Variants in ITFG1 observed in about 807,000 individuals in gnomAD.
ITFG1 encodes the protein T-cell immunomodulatory protein.
ITFG1 carries 34 observed loss-of-function variants against 81.8 expected under a neutral mutation model. The observed-to-expected ratio is 0.42, with a 90% CI of 0.32 to 0.55. The LOEUF is 0.55. ITFG1 is among the 20% of genes least tolerant of loss of function. The pLI, the probability that ITFG1 is intolerant of heterozygous loss-of-function variation, is 0.17. For missense variants in ITFG1, 672 were observed against 755.4 expected (o/e 0.89, Z 1.29); for synonymous variants, 285 against 270.6 (o/e 1.05, Z -0.52).
intron 8 of ITFG1, among the ~76,000 whole-genome samples, chr16:47,330,915 G>A (rs1967628459): frequency 6.6e-6 from 1 of 152,148 alleles, no homozygotes. Context: ...GTAGCTTGGA[G>A]ATTTCTCAAA....
chr16:47,321,268 A>G (rs1967444408), intron 8 of ITFG1, among the ~76,000 whole-genome samples: 1 of 152,202 alleles, frequency 6.6e-6, no homozygotes, highest in Non-Finnish European at 1.5e-5. Context: ...AGAATCTCTG[A>G]AACTGCACTT....
At chr16:47,359,340 G>A (rs1416102904) in intron 8 of ITFG1, among the ~76,000 whole-genome samples, 6 of 152,056 alleles carry the variant, frequency 3.9e-5, no homozygotes, top group Admixed American at 3.9e-4. Flanking sequence ...GTCCCAAACA[G>A]AACTATCAAT....
At chr16:47,165,903 T>C (rs1006979875) in intron 14 of ITFG1, among the ~76,000 whole-genome samples, 3 of 152,184 alleles carry the variant, frequency 2.0e-5, no homozygotes, top group Admixed American at 1.3e-4. Context: ...ATGACACTAC[T>C]AGCAAAGACT....
At chr16:47,235,053 C>G (rs774812914) in intron 13 of ITFG1, among the ~76,000 whole-genome samples, 1 of 152,182 alleles carries the variant, frequency 6.6e-6, no homozygotes, top group African/African-American at 2.4e-5. Flanking sequence ...AACCTCTTTT[C>G]TTTATAAATT....
intron 10 of ITFG1, among the ~76,000 whole-genome samples, chr16:47,280,210 T>G (rs953469450): frequency 6.6e-6 from 1 of 152,176 alleles, no homozygotes. Context: ...GAGAAAAGCA[T>G]TACTTTTACT....
intron 12 of ITFG1, among the ~76,000 whole-genome samples, chr16:47,251,174 CAGAG>C (rs1321918692): frequency 6.6e-6 from 1 of 152,314 alleles, no homozygotes; most frequent in Admixed American, 6.5e-5. Context: ...TGTTCAGACT[CAGAG>C]AGCCTGTCGA....
intron 7 of ITFG1, among the ~76,000 whole-genome samples, chr16:47,373,031 C>T (rs1162668398): frequency 1.3e-5 from 2 of 152,160 alleles, no homozygotes; most frequent in African/African-American, 4.8e-5. Flanking sequence ...AAAACAATAG[C>T]TTCTCAGTAG....
intron 14 of ITFG1, among the ~76,000 whole-genome samples, chr16:47,193,378 C>A (rs1965316600): frequency 6.6e-6 from 1 of 151,914 alleles, no homozygotes; most frequent in Admixed American, 6.6e-5. Flanking sequence ...TTCGTTTCTT[C>A]TGTTTCAACA....
Position 47,424,276 on chromosome 16 carries a change from C to T in ITFG1, c.655+4528G>A, listed in dbSNP as rs963577162. Among the ~76,000 whole-genome samples, 5 of 152,190 alleles carry T rather than the reference C, an allele frequency of 3.3e-5. No individual in the cohort carries two copies. In the East Asian group the frequency reaches 7.7e-4, roughly 23 times the overall value. On this transcript the variant is annotated intron_variant, in intron 6 of 17. Transcript: ENST00000320640. ...GTTCTCATGCCATGGTTTTGCAGCT[C>T]CATCAAGTCATTTAAGGTCTTTTTT... is the stretch of plus-strand genomic sequence containing the variant.
At chr16:47,456,546 G>C (rs1360408000) in intron 2 of ITFG1, among the ~76,000 whole-genome samples, 1 of 152,010 alleles carries the variant, frequency 6.6e-6, no homozygotes, top group African/African-American at 2.4e-5. Context: ...TACAAAATTC[G>C]CTGGGCGTGG....
chr16:47,340,915 G>A lies in ITFG1; in HGVS notation c.802+24873C>T, dbSNP rs149306177. ...TAAGAACATTGTATAATGACTAAAA[G>A]GACAATTCACCAAGAAGATATAACA... On this transcript the variant is annotated intron_variant, in intron 8 of 17. Transcript: ENST00000320640. Among the ~76,000 whole-genome samples the A allele has an allele frequency of 8.4e-4, 127 of 152,002 alleles. 1 individual carries two copies. The highest frequency in any genetic ancestry group is 2.9e-3 in the African/African-American group (121 of 41,466).
At chr16:47,368,710 A>G (rs1461478765) in intron 7 of ITFG1, among the ~76,000 whole-genome samples, 1 of 152,184 alleles carries the variant, frequency 6.6e-6, no homozygotes, top group African/African-American at 2.4e-5. Context: ...TACTAACTGA[A>G]GTGAACAGAT....
In ITFG1 at chr16:47,461,037, C is replaced by A; in HGVS notation, c.9G>T (p.Ala3=). The part of the protein sequence containing the change: MA[A]AGRLPSSWAL... ...CCCAGGAGCTCGGGAGCCGGCCCGC[C>A]GCCGCCATGGCAGCCCCTCAGCCCC... Residue 3 remains alanine (A), a synonymous_variant, in exon 1 of 18, where the codon GCG becomes GCT. Transcript: ENST00000320640. 6.5e-7 allele frequency: 1 copy of A among 1,540,704 alleles called. No homozygotes were observed. The highest frequency in any genetic ancestry group is 8.7e-7 in the Non-Finnish European group (1 of 1,145,566).
intron 15 of ITFG1, among the ~76,000 whole-genome samples, 188 bp downstream of exon 15, chr16:47,162,352 C>T (rs959203999): frequency 2.0e-5 from 3 of 152,082 alleles, no homozygotes; most frequent in Non-Finnish European, 2.9e-5. Context: ...ATCTTAAAAT[C>T]ATGATGTGCT....
At position 47,163,240 on chromosome 16, in the gene ITFG1, G is replaced by A. The variant is rs1964837019; in HGVS notation, c.1454-576C>T. 2.0e-5 allele frequency among the ~76,000 whole-genome samples: 3 copies of A among 152,148 alleles called. No individual in the cohort carries two copies. The South Asian group carries it at 6.2e-4, about 32-fold the overall frequency. ...CAGCCATCACCACAATCTAATCTTA[G>A]AACATTTTTATCACTTGAGAAAGAA... On this transcript the variant is annotated intron_variant, in intron 14 of 17. Coordinates refer to ENST00000320640, the MANE Select transcript of ITFG1 (RefSeq NM_030790.5).
At chr16:47,179,987 T>C (rs1965084805) in intron 14 of ITFG1, among the ~76,000 whole-genome samples, 1 of 152,220 alleles carries the variant, frequency 6.6e-6, no homozygotes, top group African/African-American at 2.4e-5. Flanking sequence ...ACTCAGTTTA[T>C]AGATAGCTGA....
chr16:47,299,002 T>G (rs955358412), intron 10 of ITFG1, among the ~76,000 whole-genome samples: 2 of 151,944 alleles, frequency 1.3e-5, no homozygotes, highest in African/African-American at 4.8e-5. Flanking sequence ...ATGGCAGATG[T>G]ACACACCAGC....
chr16:47,307,853 G>A (rs1967195108), intron 10 of ITFG1, among the ~76,000 whole-genome samples: 1 of 152,080 alleles, frequency 6.6e-6, no homozygotes, highest in Admixed American at 6.6e-5. Context: ...ATGTCCATGA[G>A]TATGCACTGT....
In ITFG1 at chr16:47,451,425, T is replaced by C. The variant is rs140483728; in HGVS notation, c.531A>G (p.Glu177=). ...LIPDIFGITN[E]SNQPQILLGG... ...CTAATAGTATCTGTGGCTGGTTGGA[T>C]TCATTTGTGATACCAAAAATATCAG... The change falls in exon 5 of 18, where the codon GAA becomes GAG. Residue 177 remains glutamate (E), a synonymous_variant. Coordinates refer to ENST00000320640, the MANE Select transcript of ITFG1 (RefSeq NM_030790.5). The C allele has an allele frequency of 1.3e-6, 2 of 1,588,678 alleles. No individual in the cohort carries two copies. Among genetic ancestry groups the C allele is most frequent in the African/African-American group, 2.7e-5 (2 of 74,478 alleles).
Sources: gnomAD v4.1 joint callset for allele counts (sites outside exome capture counted in the v4.1 genomes callset) on GRCh38, gnomAD v4.1.1 for gene constraint, MANE v1.5 for transcripts, NCBI Gene and HGNC (gene_info 2026-07-23, HGNC 2026-07-21) for gene names.